SPEF2: variants seen among roughly 807,000 people sequenced by gnomAD.
SPEF2 encodes the protein sperm flagellar and cilia associated 2.
SPEF2 carries 187 observed loss-of-function variants against 224.6 expected under a neutral mutation model. That is an observed-to-expected ratio of 0.83 (90% confidence interval 0.74 to 0.94). The LOEUF (loss-of-function observed/expected upper bound fraction) is 0.94. Ranked by LOEUF, SPEF2 falls within the 40% of genes least tolerant of loss-of-function variation. The pLI is 0.00. For synonymous variants in SPEF2, 715 were observed against 707.3 expected, an observed-to-expected ratio of 1.01 and a Z score of -0.17; for missense variants, 2,170 against 2,135.6, an observed-to-expected ratio of 1.02 and a Z score of -0.32.
chr5:35,813,933 T>C (rs1758686269), intron 36 of SPEF2, among the ~76,000 whole-genome samples: 1 of 152,166 alleles, frequency 6.6e-6, no homozygotes, highest in African/African-American at 2.4e-5. Context: ...TTTTGAAAAA[T>C]ATCTGTGATT....
At chr5:35,810,339 G>A (rs866651813) in intron 36 of SPEF2, among the ~76,000 whole-genome samples, 1 of 152,134 alleles carries the variant, frequency 6.6e-6, no homozygotes, top group South Asian at 2.1e-4. Flanking sequence ...AGCCTCCTGA[G>A]TAGCTGGGAT....
intron 1 of SPEF2, among the ~76,000 whole-genome samples, chr5:35,620,557 T>C (rs933144799): frequency 5.3e-5 from 8 of 152,094 alleles, no homozygotes; most frequent in Non-Finnish European, 8.8e-5. Flanking sequence ...CACCAATATA[T>C]AAGGATATTT....
intron 1 of SPEF2, among the ~76,000 whole-genome samples, chr5:35,619,945 C>T (rs1350288469): frequency 6.6e-6 from 1 of 152,082 alleles, no homozygotes; most frequent in African/African-American, 2.4e-5. Context: ...TTCCTGGCGT[C>T]TGTGCTCCTG....
At chr5:35,685,950 A>G (rs1319159454) in intron 10 of SPEF2, among the ~76,000 whole-genome samples, 3 of 151,902 alleles carry the variant, frequency 2.0e-5, no homozygotes, top group Non-Finnish European at 4.4e-5. Context: ...ATGAAATATA[A>G]TGTACCCTGT....
At chr5:35,621,017 T>A (rs1743430775) in intron 1 of SPEF2, among the ~76,000 whole-genome samples, 1 of 152,232 alleles carries the variant, frequency 6.6e-6, no homozygotes, top group Non-Finnish European at 1.5e-5. Context: ...CTTTTCTTTA[T>A]ATATCTCTGT....
At chr5:35,808,900 A>ATATATATATATATATAT (rs1561398564) in intron 36 of SPEF2, among the ~76,000 whole-genome samples, 1 of 150,356 alleles carries the variant, frequency 6.7e-6, no homozygotes, top group African/African-American at 2.4e-5. Flanking sequence ...ATATATATAT[A>ATATATATATATATATAT]AAACAAGCTA....
In SPEF2 at chr5:35,704,625, G is replaced by A; in HGVS notation, c.2470G>A (p.Asp824Asn). Residue 824 changes from aspartate to asparagine, a missense_variant, in exon 17 of 37, where the codon GAT becomes AAT. Physicochemically the swap from Asp to Asn is conservative, Grantham distance 23. Coordinates refer to ENST00000356031, the MANE Select transcript of SPEF2 (RefSeq NM_024867.4). ...QRVAAENQDKDGDQNLRDQIQ... is the reference protein window; with the variant it reads ...QRVAAENQDKNGDQNLRDQIQ... The stretch of plus-strand genomic sequence containing the variant: ...TGTAGCTGCTGAAAACCAAGATAAG[G>A]ATGGAGACCAAAATTTAAGAGACCA... The A allele has an allele frequency of 1.2e-6, 2 of 1,612,730 alleles. No individual in the cohort carries two copies. The highest frequency in any genetic ancestry group is 1.1e-5 in the South Asian group (1 of 90,964).
intron 30 of SPEF2, chr5:35,789,159 C>T (rs1755605955): frequency 1.4e-6 from 1 of 702,962 alleles, no homozygotes; most frequent in Non-Finnish European, 2.6e-6. Flanking sequence ...GTGTTACAGG[C>T]AGGCAGAGGC....
chr5:35,645,795 ACT>A (rs1280541135), intron 4 of SPEF2, among the ~76,000 whole-genome samples: 2 of 152,228 alleles, frequency 1.3e-5, no homozygotes, highest in South Asian at 4.1e-4. Flanking sequence ...CAAAAGGAAG[ACT>A]CTGTGTCTTC....
chr5:35,630,674 C>T (rs1203348158), intron 2 of SPEF2, among the ~76,000 whole-genome samples: 1 of 151,858 alleles, frequency 6.6e-6, no homozygotes, highest in Non-Finnish European at 1.5e-5. Context: ...CCAGCCTGGG[C>T]AGCAGAGCGA....
chr5:35,641,499 T>A lies in SPEF2; in HGVS notation c.230T>A (p.Phe77Tyr). Residue 77 changes from phenylalanine (F) to tyrosine (Y), a missense_variant, in exon 3 of 37, where the codon TTT becomes TAT. Coordinates refer to ENST00000356031, the MANE Select transcript of SPEF2 (RefSeq NM_024867.4). Reference sequence around the variant, plus strand: ...ACACTTAACCTTCTGGGTGTGCAGTTTGATCAGAATGTGGCCCATGGCATC... The same window carrying A: ...ACACTTAACCTTCTGGGTGTGCAGTATGATCAGAATGTGGCCCATGGCATC... Reference protein sequence around the residue: ...EPTLNLLGVQFDQNVAHGIIT... With the variant: ...EPTLNLLGVQYDQNVAHGIIT... 1.2e-6 allele frequency: 2 copies of A among 1,613,826 alleles called. No individual in the cohort carries two copies. Among genetic ancestry groups the A allele is most frequent in the Non-Finnish European group, 1.7e-6 (2 of 1,179,834 alleles).
intron 36 of SPEF2, among the ~76,000 whole-genome samples, chr5:35,809,243 T>C (rs1196879676): frequency 6.6e-6 from 1 of 152,084 alleles, no homozygotes; most frequent in Admixed American, 6.6e-5. Flanking sequence ...TAAGCTTCCA[T>C]AGGAGAGAGA....
chr5:35,658,474 T>C (rs1434430518), intron 7 of SPEF2, among the ~76,000 whole-genome samples: 1 of 152,226 alleles, frequency 6.6e-6, no homozygotes, highest in East Asian at 1.9e-4. Flanking sequence ...ATCTGCAGTC[T>C]TCAGCTGACA....
At chr5:35,721,708 G>C (rs112959237) in intron 20 of SPEF2, among the ~76,000 whole-genome samples, 30 of 149,246 alleles carry the variant, frequency 2.0e-4, no homozygotes, top group African/African-American at 6.9e-4. Flanking sequence ...ATTAGTTAGA[G>C]ATCTTTTCAC....
intron 21 of SPEF2, among the ~76,000 whole-genome samples, chr5:35,732,810 A>G (rs769517404): frequency 4.6e-5 from 7 of 152,218 alleles, no homozygotes; most frequent in Admixed American, 6.5e-5. Flanking sequence ...TATGATTTCA[A>G]TTACCCACAG....
intron 21 of SPEF2, among the ~76,000 whole-genome samples, chr5:35,733,399 T>C (rs1274019052): frequency 1.3e-5 from 2 of 152,186 alleles, no homozygotes. Flanking sequence ...CAACACAGTT[T>C]TGTAGTTTCC....
intron 24 of SPEF2, 26 bp from the exon 25 acceptor site, chr5:35,759,542 A>C (rs1212938736): frequency 1.3e-6 from 2 of 1,536,214 alleles, no homozygotes; most frequent in Non-Finnish European, 1.8e-6. Context: ...TTTCTTGGAT[A>C]TTAACATTCA....
At chr5:35,734,805 G>A (rs1462947670) in intron 21 of SPEF2, among the ~76,000 whole-genome samples, 5 of 143,868 alleles carry the variant, frequency 3.5e-5, no homozygotes, top group Non-Finnish European at 4.5e-5. Flanking sequence ...TCCGCCTCCC[G>A]GGTTCAAGCG....
intron 2 of SPEF2, among the ~76,000 whole-genome samples, chr5:35,634,304 GCACTGTGAC>G (rs1364040313): frequency 6.6e-6 from 1 of 151,910 alleles, no homozygotes; most frequent in African/African-American, 2.4e-5. Flanking sequence ...TTCTTTTTCA[GCACTGTGAC>G]CATGTCTTCC....
Sources: gnomAD v4.1 joint callset for allele counts (sites outside exome capture counted in the v4.1 genomes callset) on GRCh38, gnomAD v4.1.1 for gene constraint, MANE v1.5 for transcripts, NCBI Gene and HGNC (gene_info 2026-07-23, HGNC 2026-07-21) for gene names.